HEPH: variants seen among roughly 807,000 people sequenced by gnomAD.
HEPH encodes hephaestin.
HEPH carries 69 observed loss-of-function variants against 80.8 expected under a neutral mutation model. The observed-to-expected ratio is 0.85, with a 90% CI of 0.70 to 1.04. The LOEUF (loss-of-function observed/expected upper bound fraction) is 1.04, where lower values mean the gene tolerates loss of function less well. Among genes scored for constraint, HEPH ranks in the 50% least tolerant of loss-of-function variants. The pLI, the probability that HEPH is intolerant of heterozygous loss-of-function variation, is 0.00. For synonymous variants in HEPH, 431 were observed against 322.8 expected (o/e 1.34, Z -3.60); for missense variants, 1,115 against 891.3 (o/e 1.25, Z -3.20).
At position 66,192,017 on chromosome X, in the gene HEPH, AAG is replaced by A. The variant is rs1446412888; in HGVS notation, c.1064-108_1064-107del. ...AGCGGCCCATTTTGGAGCAGGAGTA[AAG>A]AGAGTAGTGGAGGGTGGGTGGAGGA... On this transcript the variant is annotated intron_variant, in intron 6 of 20. Transcript: ENST00000343002. 6.9e-6 allele frequency: 5 copies of A among 722,997 alleles called. No homozygotes were observed. The East Asian group carries it at 1.7e-4, about 25-fold the overall frequency. The allele number at this position is 722,997 out of a possible 1,213,427, so 59.6% of individuals were successfully genotyped here.
At chrX:66,192,101 T>C in intron 6 of HEPH, 29 bp from the exon 7 acceptor site, 3 of 1,187,001 alleles carry the variant, frequency 2.5e-6, no homozygotes, top group Non-Finnish European at 3.4e-6. Flanking sequence ...TTGGATAGAA[T>C]GGGGTCAGCC....
chrX:66,220,933 A>G, intron 15 of HEPH, among the ~76,000 whole-genome samples: 1 of 111,076 alleles, frequency 9.0e-6, no homozygotes, highest in Non-Finnish European at 1.9e-5. Context: ...CGGTACACTT[A>G]TAATAATCAT....
chrX:66,231,170 G>C (rs1409173219), intron 15 of HEPH, among the ~76,000 whole-genome samples: 1 of 109,519 alleles, frequency 9.1e-6, no homozygotes, highest in East Asian at 2.9e-4. Context: ...TGCTGTTTTG[G>C]TTACTGTAGC....
chrX:66,228,353 A>G (rs1324145529), intron 15 of HEPH, among the ~76,000 whole-genome samples: 1 of 112,380 alleles, frequency 8.9e-6, no homozygotes, highest in African/African-American at 3.2e-5. Context: ...CAGCAAAACC[A>G]TATCGCTCAC....
chrX:66,222,070 C>A (rs1352110343), intron 15 of HEPH, among the ~76,000 whole-genome samples: 1 of 113,022 alleles, frequency 8.8e-6, no homozygotes, highest in Non-Finnish European at 1.9e-5. Context: ...ACAATACCAC[C>A]ACACATCTGC....
chrX:66,209,840 A>T lies in HEPH; in HGVS notation c.2563+1594A>T, dbSNP rs2089015632. Among the ~76,000 whole-genome samples, 3 of 111,451 alleles carry T rather than the reference A, an allele frequency of 2.7e-5. No individual in the cohort carries two copies. The South Asian group carries it at 1.1e-3, about 42-fold the overall frequency. On this transcript the variant is annotated intron_variant, in intron 15 of 20. Coordinates refer to ENST00000343002, the MANE Select transcript of HEPH (RefSeq NM_001367233.3). ...TGGAGTGGGAGGATTGGAGTATTGG[A>T]TGATGATGAGTTCCCTTTTGAATTT...
Position 66,258,998 on chromosome X carries a change from T to C in HEPH, c.3036+19T>C. On this transcript the variant is annotated intron_variant, in intron 18 of 20. Transcript: ENST00000343002. Reference sequence around the variant, plus strand: ...CTATCGGGTGAGCTGGAAAATGGGCTGAGTCCCTCAAGGATGATTAGAACA... The same window carrying C: ...CTATCGGGTGAGCTGGAAAATGGGCCGAGTCCCTCAAGGATGATTAGAACA... 1 of 1,192,811 alleles carries C rather than the reference T, an allele frequency of 8.4e-7. No homozygotes were observed. Among genetic ancestry groups the C allele is most frequent in the Non-Finnish European group, 1.1e-6 (1 of 887,252 alleles).
chrX:66,226,991 C>G (rs1352196447), intron 15 of HEPH, among the ~76,000 whole-genome samples: 2 of 111,570 alleles, frequency 1.8e-5, no homozygotes, highest in Non-Finnish European at 3.8e-5. Context: ...AAAAAGAGAA[C>G]TACAGACCAA....
chrX:66,209,461 G>T (rs1232675374), intron 15 of HEPH, among the ~76,000 whole-genome samples: 2 of 111,767 alleles, frequency 1.8e-5, no homozygotes, highest in African/African-American at 6.5e-5. Context: ...CTACACTTTG[G>T]AAACAGGTGA....
chrX:66,238,652 C>T (rs1017952400), intron 15 of HEPH, among the ~76,000 whole-genome samples: 2 of 111,620 alleles, frequency 1.8e-5, no homozygotes, highest in African/African-American at 6.5e-5. Context: ...AGGTGACCTG[C>T]CCTTTCTGTC....
intron 20 of HEPH, among the ~76,000 whole-genome samples, chrX:66,264,757 C>T (rs1274209586): frequency 1.9e-5 from 2 of 106,083 alleles, no homozygotes; most frequent in Non-Finnish European, 3.9e-5. Context: ...GGTGGGCTTT[C>T]AGGCCATGTC....
At chrX:66,175,188 A>G (rs1174922442) in intron 4 of HEPH, among the ~76,000 whole-genome samples, 6 of 112,048 alleles carry the variant, frequency 5.4e-5, no homozygotes, top group Non-Finnish European at 1.1e-4. Context: ...TGATTTTTGT[A>G]TAAGGTGAGC....
At chrX:66,214,242 T>A (rs921122125) in intron 15 of HEPH, among the ~76,000 whole-genome samples, 1 of 112,190 alleles carries the variant, frequency 8.9e-6, no homozygotes, top group Admixed American at 9.4e-5. Context: ...TTAATTCAGG[T>A]AAGAGATGAT....
chrX:66,227,793 C>T (rs923909270), intron 15 of HEPH, among the ~76,000 whole-genome samples: 5 of 111,257 alleles, frequency 4.5e-5, no homozygotes, highest in Non-Finnish European at 7.5e-5. Flanking sequence ...GTTTTGGTGA[C>T]TATGGCCTTA....
At chrX:66,204,556 T>C (rs1342965008) in intron 13 of HEPH, among the ~76,000 whole-genome samples, 1 of 112,587 alleles carries the variant, frequency 8.9e-6, no homozygotes, top group Non-Finnish European at 1.9e-5. Context: ...ATGCTAAGTT[T>C]TCTGTAAACA....
chrX:66,263,230 G>T (rs960799132), intron 19 of HEPH, among the ~76,000 whole-genome samples: 2 of 111,826 alleles, frequency 1.8e-5, no homozygotes, highest in Admixed American at 1.9e-4. Context: ...CCTCAGAGAA[G>T]AACTCAGCTT....
chrX:66,169,119 G>A (rs1401922135), intron 1 of HEPH, among the ~76,000 whole-genome samples: 1 of 111,246 alleles, frequency 9.0e-6, no homozygotes, highest in African/African-American at 3.3e-5. Flanking sequence ...ATGGCCTTGG[G>A]CAAACTGCTT....
At position 66,250,673 on chromosome X, in the gene HEPH, A is replaced by T. The variant is rs552218361; in HGVS notation, c.2564-4362A>T. On this transcript the variant is annotated intron_variant, in intron 15 of 20. Coordinates refer to ENST00000343002, the MANE Select transcript of HEPH (RefSeq NM_001367233.3). Reference sequence around the variant, plus strand: ...ATATAAATGGAATAATACAGTATGCAATACTTCAGGATTAACCTTTTTCAC... The same window carrying T: ...ATATAAATGGAATAATACAGTATGCTATACTTCAGGATTAACCTTTTTCAC... Among the ~76,000 whole-genome samples the T allele has an allele frequency of 2.7e-5, 3 of 111,974 alleles. No homozygotes were observed. The South Asian group carries it at 1.1e-3, about 41-fold the overall frequency.
At position 66,189,676 on chromosome X, in the gene HEPH, T is replaced by C. The variant is rs1371391571; in HGVS notation, c.809-8T>C. The C allele has an allele frequency of 3.3e-6, 4 of 1,202,930 alleles. No homozygotes were observed. In the Admixed American group the frequency reaches 6.6e-5, roughly 20 times the overall value. Reference sequence around the variant, plus strand: ...ATCCTGATATTTTCTTTGGGTTTTCTTTTGCAGCAATCAATGGCTTTGTTT... The same window carrying C: ...ATCCTGATATTTTCTTTGGGTTTTCCTTTGCAGCAATCAATGGCTTTGTTT... On this transcript the variant is annotated splice_region_variant and splice_polypyrimidine_tract_variant and intron_variant, in intron 5 of 20. Coordinates refer to ENST00000343002, the MANE Select transcript of HEPH (RefSeq NM_001367233.3).
Sources: allele counts gnomAD v4.1 joint callset (sites outside exome capture counted in the v4.1 genomes callset), GRCh38; gene constraint gnomAD v4.1.1; transcripts MANE v1.5; gene names NCBI Gene and HGNC (gene_info 2026-07-23, HGNC 2026-07-21).